Variants in HPSE2 observed in about 807,000 individuals in gnomAD.
The protein encoded by HPSE2 is inactive heparanase-2.
HPSE2 carries 38 observed loss-of-function variants against 60.5 expected under a neutral mutation model. The ratio of observed to expected loss-of-function variants is 0.63; its 90% CI spans 0.48 to 0.82. HPSE2 has a LOEUF of 0.82. Among genes scored for constraint, HPSE2 ranks in the 40% least tolerant of loss-of-function variants. The pLI is 0.00. For synonymous variants in HPSE2, 295 were observed against 293.2 expected (o/e 1.01, Z -0.06); for missense variants, 713 against 740.4 (o/e 0.96, Z 0.43).
In HPSE2 at chr10:98,936,723, G is replaced by A. The variant is rs1954802867; in HGVS notation, c.611-192667C>T. 2.1e-5 allele frequency among the ~76,000 whole-genome samples: 3 copies of A among 142,992 alleles called. 1 individual carries two copies. In the South Asian group the frequency reaches 6.4e-4, roughly 30 times the overall value. The allele number at this position is 142,992 out of a possible 152,430, so 93.8% of individuals were successfully genotyped here. On this transcript the variant is annotated intron_variant, in intron 3 of 11. Transcript: ENST00000370552. Reference sequence around the variant, plus strand: ...TGGCCAGGTGCGGTGGCTCACGCCTGTAATCCCAGCACTTTGGGAGGCCGA... The same window carrying A: ...TGGCCAGGTGCGGTGGCTCACGCCTATAATCCCAGCACTTTGGGAGGCCGA...
chr10:99,068,543 A>G (rs1249814197), intron 3 of HPSE2, among the ~76,000 whole-genome samples: 6 of 152,180 alleles, frequency 3.9e-5, no homozygotes, highest in Non-Finnish European at 8.8e-5. Flanking sequence ...AACTGCCCCC[A>G]TGATTCAATT....
intron 2 of HPSE2, among the ~76,000 whole-genome samples, chr10:99,181,058 T>A (rs1038925213): frequency 6.6e-6 from 1 of 152,068 alleles, no homozygotes; most frequent in African/African-American, 2.4e-5. Flanking sequence ...AACCCAGCAA[T>A]TCTAATACTG....
chr10:99,206,504 A>G (rs1355312571), intron 2 of HPSE2, among the ~76,000 whole-genome samples: 1 of 151,156 alleles, frequency 6.6e-6, no homozygotes, highest in Non-Finnish European at 1.5e-5. Flanking sequence ...AGGTAGCAGG[A>G]TCGCTTGAGC....
intron 3 of HPSE2, among the ~76,000 whole-genome samples, chr10:98,934,589 A>G (rs1274912303): frequency 6.9e-6 from 1 of 144,256 alleles, no homozygotes; most frequent in African/African-American, 2.8e-5. Flanking sequence ...TTTTTTAACA[A>G]TGTTGAACAT....
chr10:99,278,090 CAAAA>C, the HPSE2 span, among the ~76,000 whole-genome samples: 59,076 of 118,220 alleles, frequency 0.5, 15,125 homozygotes, highest in Non-Finnish European at 0.62. Context: ...GACTCCCTCT[CAAAA>C]AAAAAAAAAA....
At chr10:98,960,828 C>T (rs370693735) in intron 3 of HPSE2, among the ~76,000 whole-genome samples, 10 of 143,542 alleles carry the variant, frequency 7.0e-5, no homozygotes, top group South Asian at 2.3e-4. Context: ...CATGCTGGTG[C>T]GCTGCACCCA....
chr10:98,670,270 G>C (rs1274459149), intron 6 of HPSE2, among the ~76,000 whole-genome samples: 4 of 152,132 alleles, frequency 2.6e-5, no homozygotes, highest in Non-Finnish European at 4.4e-5. Context: ...GGAATGGTAG[G>C]ATCAACATAG....
In HPSE2 at chr10:98,846,577, A is replaced by C. The variant is rs576236448; in HGVS notation, c.611-102521T>G. Reference sequence around the variant, plus strand: ...GAATAAATGATGCACAGTTCAAACAACTTCATCATTAATGAAAAAGCTTTC... The same window carrying C: ...GAATAAATGATGCACAGTTCAAACACCTTCATCATTAATGAAAAAGCTTTC... On this transcript the variant is annotated intron_variant, in intron 3 of 11. Transcript: ENST00000370552. Among the ~76,000 whole-genome samples the C allele has an allele frequency of 3.3e-5, 5 of 152,314 alleles. No homozygotes were observed. The East Asian group carries it at 9.6e-4, about 29-fold the overall frequency.
At chr10:99,278,579 T>A in the HPSE2 span, among the ~76,000 whole-genome samples, 1 of 152,166 alleles carries the variant, frequency 6.6e-6, no homozygotes, top group Non-Finnish European at 1.5e-5. Context: ...GGCTGAGAAA[T>A]ACATAATTTT....
At chr10:98,483,228 T>C (rs891164662) in intron 10 of HPSE2, among the ~76,000 whole-genome samples, 1 of 152,212 alleles carries the variant, frequency 6.6e-6, no homozygotes, top group Admixed American at 6.5e-5. Flanking sequence ...TTGAGTACTT[T>C]GACACATTAT....
intron 2 of HPSE2, among the ~76,000 whole-genome samples, chr10:99,184,817 T>TATATATACATAC (rs1181998207): frequency 5.8e-5 from 1 of 17,200 alleles, no homozygotes; most frequent in Admixed American, 7.8e-4. Flanking sequence ...TATATATATA[T>TATATATACATAC]ATAGAGAGAG....
chr10:98,678,013 A>G (rs957677912), intron 6 of HPSE2, among the ~76,000 whole-genome samples: 3 of 152,186 alleles, frequency 2.0e-5, no homozygotes, highest in South Asian at 2.1e-4. Context: ...AAAAATCTGA[A>G]TTATCAAATC....
At chr10:98,925,970 T>C (rs1243106083) in intron 3 of HPSE2, among the ~76,000 whole-genome samples, 1 of 152,156 alleles carries the variant, frequency 6.6e-6, no homozygotes, top group East Asian at 1.9e-4. Context: ...CCTCTGAGTC[T>C]TCTTACATGT....
chr10:99,196,157 CAGA>C (rs1848390921), intron 2 of HPSE2, among the ~76,000 whole-genome samples: 1 of 152,098 alleles, frequency 6.6e-6, no homozygotes, highest in African/African-American at 2.4e-5. Flanking sequence ...TATCCATATG[CAGA>C]AGAATAAAAC....
At chr10:98,504,530 T>TA (rs1430326668) in intron 9 of HPSE2, among the ~76,000 whole-genome samples, 4 of 152,300 alleles carry the variant, frequency 2.6e-5, no homozygotes, top group South Asian at 4.1e-4. Context: ...CTCATGCCTA[T>TA]AATCCCAGCA....
chr10:98,824,165 A>G (rs1951488604), intron 3 of HPSE2, among the ~76,000 whole-genome samples: 1 of 152,326 alleles, frequency 6.6e-6, no homozygotes, highest in East Asian at 1.9e-4. Context: ...CCACATATAC[A>G]AAGTTCAAAA....
At chr10:98,653,305 A>G (rs954624824) in intron 6 of HPSE2, among the ~76,000 whole-genome samples, 2 of 151,924 alleles carry the variant, frequency 1.3e-5, no homozygotes, top group African/African-American at 4.8e-5. Context: ...CTCCCTGACA[A>G]TCTTTGTCTT....
chr10:98,826,907 G>C (rs544844848), intron 3 of HPSE2, among the ~76,000 whole-genome samples: 1 of 152,082 alleles, frequency 6.6e-6, no homozygotes, highest in Admixed American at 6.5e-5. Flanking sequence ...CAGCACTTTG[G>C]GAGGCCAGGG....
At chr10:98,755,899 G>T (rs1426389128) in intron 3 of HPSE2, among the ~76,000 whole-genome samples, 1 of 152,162 alleles carries the variant, frequency 6.6e-6, no homozygotes, top group African/African-American at 2.4e-5. Context: ...GGGAGGCTGA[G>T]GTGAGAGAAC....
Sources: allele counts gnomAD v4.1 joint callset (sites outside exome capture counted in the v4.1 genomes callset), GRCh38; gene constraint gnomAD v4.1.1; transcripts MANE v1.5; gene names NCBI Gene and HGNC (gene_info 2026-07-23, HGNC 2026-07-21).